SNX24: variants seen among roughly 807,000 people sequenced by gnomAD.
The protein encoded by SNX24 is sorting nexin-24.
In SNX24, 22 loss-of-function variants were observed where a neutral mutation model predicts 28.7. The observed-to-expected ratio is 0.77, with a 90% CI of 0.55 to 1.10. SNX24 has a LOEUF of 1.10. Among genes scored for constraint, SNX24 ranks in the 50% least tolerant of loss-of-function variants. The probability of loss-of-function intolerance (pLI) is 0.00; values close to 1 mark genes in which losing one functional copy is unlikely to be tolerated. For missense variants in SNX24, 221 were observed against 201.1 expected (o/e 1.10, Z -0.60); for synonymous variants, 69 against 71.5 (o/e 0.96, Z 0.18).
At chr5:122,898,859 C>G (rs1757315877) in intron 1 of SNX24, among the ~76,000 whole-genome samples, 1 of 152,148 alleles carries the variant, frequency 6.6e-6, no homozygotes, top group South Asian at 2.1e-4. Context: ...GCTTCTTATT[C>G]CTAAGCCGGC....
chr5:122,922,695 A>AT (rs922630240), intron 1 of SNX24, among the ~76,000 whole-genome samples: 1 of 151,656 alleles, frequency 6.6e-6, no homozygotes, highest in African/African-American at 2.4e-5. Context: ...GAAAATTACA[A>AT]TTTTTCCCCC....
chr5:122,876,737 G>A (rs931289003), intron 1 of SNX24, among the ~76,000 whole-genome samples: 1 of 152,144 alleles, frequency 6.6e-6, no homozygotes, highest in Non-Finnish European at 1.5e-5. Context: ...TGGAGATTTT[G>A]AAAATGAGAT....
chr5:122,916,008 T>C (rs1193998694), intron 1 of SNX24, among the ~76,000 whole-genome samples: 2 of 152,276 alleles, frequency 1.3e-5, no homozygotes, highest in South Asian at 2.1e-4. Flanking sequence ...CCTCATAGCA[T>C]GGCGAAGATG....
At chr5:122,956,916 A>C (rs1032145488) in intron 3 of SNX24, among the ~76,000 whole-genome samples, 2 of 151,844 alleles carry the variant, frequency 1.3e-5, no homozygotes, top group Non-Finnish European at 2.9e-5. Context: ...AGAGTTCTCT[A>C]TATATTCTGG....
At chr5:122,916,024 T>C (rs987974166) in intron 1 of SNX24, among the ~76,000 whole-genome samples, 4 of 152,370 alleles carry the variant, frequency 2.6e-5, no homozygotes, top group Middle Eastern at 3.4e-3. Context: ...AGATGATTCA[T>C]TGTGTCCTTA....
chr5:122,921,637 A>G (rs981956078), intron 1 of SNX24, among the ~76,000 whole-genome samples: 1 of 149,432 alleles, frequency 6.7e-6, no homozygotes, highest in Non-Finnish European at 1.5e-5. Context: ...CTTGAAAAAA[A>G]GATTTATTCT....
intron 1 of SNX24, among the ~76,000 whole-genome samples, chr5:122,911,345 G>T (rs989938637): frequency 2.6e-5 from 4 of 152,118 alleles, no homozygotes; most frequent in African/African-American, 9.7e-5. Flanking sequence ...ATTTGTTTGA[G>T]TTCATTGTAG....
intron 1 of SNX24, among the ~76,000 whole-genome samples, chr5:122,906,004 A>AT (rs1403555461): frequency 6.6e-6 from 1 of 152,200 alleles, no homozygotes. Context: ...CAGGTGGAGG[A>AT]TGTGTATATC....
intron 1 of SNX24, among the ~76,000 whole-genome samples, chr5:122,911,852 A>G (rs887941419): frequency 7.6e-5 from 11 of 145,046 alleles, no homozygotes; most frequent in African/African-American, 2.4e-4. Context: ...TACCAGTACC[A>G]TGCTGTTTTG....
At chr5:122,903,608 A>G (rs1331111073) in intron 1 of SNX24, among the ~76,000 whole-genome samples, 3 of 152,158 alleles carry the variant, frequency 2.0e-5, no homozygotes, top group Non-Finnish European at 4.4e-5. Flanking sequence ...TGTTGCGTGA[A>G]TGAAGACCCA....
Position 123,002,104 on chromosome 5 carries a change from C to T in SNX24, c.442+100C>T, listed in dbSNP as rs540935418. ...AGGTCTAACAGAGTGACATTGGTCC[C>T]GGGCTTAATAATCTGCCAATAAACC... On this transcript the variant is annotated intron_variant, in intron 6 of 6. Coordinates refer to ENST00000261369, the MANE Select transcript of SNX24 (RefSeq NM_014035.4). 7.2e-5 allele frequency: 67 copies of T among 929,514 alleles called. 1 individual carries two copies. Among genetic ancestry groups the T allele is most frequent in the South Asian group, 5.3e-4 (41 of 76,886 alleles). 57.6% of individuals were successfully genotyped at this position (929,514 alleles called of 1,614,324 possible).
chr5:122,940,887 C>G (rs1204363686), intron 2 of SNX24, among the ~76,000 whole-genome samples: 3 of 152,170 alleles, frequency 2.0e-5, no homozygotes, highest in Non-Finnish European at 2.9e-5. Flanking sequence ...AATTTATTAC[C>G]TGACTGTAGC....
intron 3 of SNX24, among the ~76,000 whole-genome samples, chr5:122,958,961 T>G (rs1035306814): frequency 6.6e-6 from 1 of 152,190 alleles, no homozygotes; most frequent in African/African-American, 2.4e-5. Context: ...GTTTTCTTTT[T>G]GGGGGTGTCT....
intron 1 of SNX24, among the ~76,000 whole-genome samples, chr5:122,888,882 C>T (rs1301651228): frequency 2.0e-5 from 3 of 152,142 alleles, no homozygotes; most frequent in Non-Finnish European, 4.4e-5. Context: ...GACAGAATCT[C>T]ACTCTGTCGC....
chr5:122,944,855 T>C lies in SNX24; in HGVS notation c.145-1200T>C, dbSNP rs879861644. 5.3e-5 allele frequency among the ~76,000 whole-genome samples: 8 copies of C among 152,350 alleles called. No individual in the cohort carries two copies. In the South Asian group the frequency reaches 8.3e-4, roughly 16 times the overall value. ...GTATGAATTTTCTTATTCATTACTA[T>C]GCTGTTTCTGTGCATGTGTAGTAAA... On this transcript the variant is annotated intron_variant, in intron 2 of 6. Transcript: ENST00000261369.
At chr5:122,941,916 A>C (rs960690644) in intron 2 of SNX24, among the ~76,000 whole-genome samples, 2 of 152,106 alleles carry the variant, frequency 1.3e-5, no homozygotes, top group African/African-American at 4.8e-5. Context: ...ACAAAACCCC[A>C]TGCTAGCCTT....
intron 3 of SNX24, among the ~76,000 whole-genome samples, chr5:122,992,991 G>A (rs1761917259): frequency 6.8e-6 from 1 of 147,634 alleles, no homozygotes; most frequent in Non-Finnish European, 1.5e-5. Flanking sequence ...ATCTTCTTAA[G>A]CCAAATTATA....
intron 1 of SNX24, among the ~76,000 whole-genome samples, chr5:122,871,296 G>A (rs1454280213): frequency 6.6e-6 from 1 of 152,154 alleles, no homozygotes; most frequent in African/African-American, 2.4e-5. Context: ...TTAATTTGTA[G>A]CTAAGCCTGC....
chr5:122,974,148 C>A (rs1313804350), intron 3 of SNX24, among the ~76,000 whole-genome samples: 1 of 152,172 alleles, frequency 6.6e-6, no homozygotes, highest in Non-Finnish European at 1.5e-5. Context: ...AGCAACTTAT[C>A]CTTCACCTTA....
Sources: gnomAD v4.1 joint callset for allele counts (sites outside exome capture counted in the v4.1 genomes callset) on GRCh38, gnomAD v4.1.1 for gene constraint, MANE v1.5 for transcripts, NCBI Gene and HGNC (gene_info 2026-07-23, HGNC 2026-07-21) for gene names.